MME: variants seen among roughly 807,000 people sequenced by gnomAD.
MME encodes membrane metalloendopeptidase, also known as neprilysin.
MME carries 98 observed loss-of-function variants against 113.2 expected under a neutral mutation model. That is an observed-to-expected ratio of 0.87 (90% CI 0.74 to 1.02). The LOEUF is 1.02. Among genes scored for constraint, MME ranks in the 50% least tolerant of loss-of-function variants. MME has a pLI of 0.00. For synonymous variants in MME, 292 were observed against 300.6 expected, an observed-to-expected ratio of 0.97 and a Z score of 0.30; for missense variants, 836 against 896.0, an observed-to-expected ratio of 0.93 and a Z score of 0.86.
intron 1 of MME, among the ~76,000 whole-genome samples, chr3:155,047,705 C>T (rs73874475): frequency 0.037 from 5,657 of 152,038 alleles, 321 homozygotes; most frequent in African/African-American, 0.12. Context: ...TTTCTCCTGA[C>T]GATTAGACAC....
intron 3 of MME, among the ~76,000 whole-genome samples, chr3:155,103,904 G>A (rs1717470632): frequency 6.6e-6 from 1 of 152,128 alleles, no homozygotes. Context: ...CTCACTTATG[G>A]AAGGACATTA....
At chr3:155,158,739 A>G (rs1298312388) in intron 16 of MME, 1 of 152,154 alleles carries the variant, frequency 6.6e-6, no homozygotes, top group African/African-American at 2.4e-5. Flanking sequence ...AGTCAACACA[A>G]ATTATGTGGG....
intron 8 of MME, among the ~76,000 whole-genome samples, chr3:155,133,704 GT>G: frequency 7.3e-6 from 1 of 136,776 alleles, no homozygotes; most frequent in South Asian, 2.3e-4. Context: ...CATATATAGT[GT>G]GTGTATATAT....
chr3:155,100,925 C>T lies in MME; in HGVS notation c.197-14069C>T, dbSNP rs192363137. On this transcript the variant is annotated intron_variant, in intron 3 of 22. Coordinates refer to ENST00000360490, the MANE Select transcript of MME (RefSeq NM_007289.4). ...TTGATGTAGCTTGGATATTTGTCCTCGCCCAAATCTCATGTTGAATTAATC... is the reference window on the plus strand; with the variant it reads ...TTGATGTAGCTTGGATATTTGTCCTTGCCCAAATCTCATGTTGAATTAATC... Among the ~76,000 whole-genome samples the T allele has an allele frequency of 9.2e-5, 14 of 152,288 alleles. No individual in the cohort carries two copies. The East Asian group carries it at 2.1e-3, about 23-fold the overall frequency.
intron 16 of MME, among the ~76,000 whole-genome samples, chr3:155,153,807 T>G (rs1005678406): frequency 1.3e-5 from 2 of 152,160 alleles, no homozygotes; most frequent in Non-Finnish European, 2.9e-5. Flanking sequence ...AAACATTTAT[T>G]GAGCAGCTAG....
intron 16 of MME, among the ~76,000 whole-genome samples, chr3:155,156,796 C>T (rs1186129149): frequency 6.6e-6 from 1 of 152,050 alleles, no homozygotes; most frequent in Non-Finnish European, 1.5e-5. Flanking sequence ...TGCTTTGAGA[C>T]TACTAAATGC....
At chr3:155,157,416 A>G (rs910571785) in intron 16 of MME, among the ~76,000 whole-genome samples, 2 of 151,980 alleles carry the variant, frequency 1.3e-5, no homozygotes, top group African/African-American at 4.8e-5. Flanking sequence ...TACACTATCT[A>G]TTATTTTAGG....
At chr3:155,105,208 A>G (rs1485799831) in intron 3 of MME, among the ~76,000 whole-genome samples, 4 of 152,194 alleles carry the variant, frequency 2.6e-5, no homozygotes, top group African/African-American at 2.4e-5. Context: ...TTCTGTGATT[A>G]TCTCAATGAG....
chr3:155,139,724 C>T (rs1014033831), intron 9 of MME, among the ~76,000 whole-genome samples: 5 of 152,084 alleles, frequency 3.3e-5, no homozygotes, highest in South Asian at 2.1e-4. Context: ...CTGTTACTTG[C>T]GATAAATTCT....
chr3:155,128,454 C>T (rs146359763), intron 8 of MME, among the ~76,000 whole-genome samples: 91 of 152,096 alleles, frequency 6.0e-4, no homozygotes, highest in East Asian at 2.1e-3. Flanking sequence ...AAAAATGGTG[C>T]GAAGTGTAGA....
chr3:155,158,860 AT>A, intron 16 of MME: 1 of 152,068 alleles, frequency 6.6e-6, no homozygotes, highest in East Asian at 1.9e-4. Flanking sequence ...AGGAGGACTG[AT>A]ATTATCAGTC....
chr3:155,059,060 C>G (rs1714043621), intron 1 of MME, among the ~76,000 whole-genome samples: 1 of 151,940 alleles, frequency 6.6e-6, no homozygotes, highest in Non-Finnish European at 1.5e-5. Flanking sequence ...TTGAGACCAG[C>G]CTGGCCAACA....
intron 8 of MME, among the ~76,000 whole-genome samples, chr3:155,135,682 G>T (rs922995041): frequency 6.6e-6 from 1 of 152,090 alleles, no homozygotes; most frequent in Non-Finnish European, 1.5e-5. Flanking sequence ...AATGACATTG[G>T]TAGTTTGATA....
intron 1 of MME, among the ~76,000 whole-genome samples, chr3:155,071,770 CT>C (rs1279311930): frequency 6.6e-6 from 1 of 152,202 alleles, no homozygotes; most frequent in Non-Finnish European, 1.5e-5. Flanking sequence ...TTCTACTTTA[CT>C]TTCAATATGA....
chr3:155,135,195 G>A (rs1720530107), intron 8 of MME, among the ~76,000 whole-genome samples: 1 of 152,080 alleles, frequency 6.6e-6, no homozygotes, highest in Non-Finnish European at 1.5e-5. Context: ...TGAGGACTTA[G>A]TGATAAACTC....
chr3:155,129,995 G>A (rs1720012934), intron 8 of MME, among the ~76,000 whole-genome samples: 1 of 152,238 alleles, frequency 6.6e-6, no homozygotes, highest in African/African-American at 2.4e-5. Flanking sequence ...ACTCTGTATT[G>A]GGGGTGAATT....
At chr3:155,131,541 G>T (rs576376098) in intron 8 of MME, among the ~76,000 whole-genome samples, 1 of 152,120 alleles carries the variant, frequency 6.6e-6, no homozygotes, top group Non-Finnish European at 1.5e-5. Context: ...GAGAATTTTT[G>T]AGATCAACTG....
At chr3:155,026,329 G>T (rs1299228327) in intron 1 of MME, among the ~76,000 whole-genome samples, 1 of 152,020 alleles carries the variant, frequency 6.6e-6, no homozygotes, top group African/African-American at 2.4e-5. Context: ...AAGGTGCTAG[G>T]GTTTAAATCC....
chr3:155,143,790 C>A (rs943200185), intron 13 of MME, among the ~76,000 whole-genome samples: 2 of 152,088 alleles, frequency 1.3e-5, no homozygotes, highest in African/African-American at 4.8e-5. Flanking sequence ...AGTCTGAAAC[C>A]AACTCACCAT....
Sources: allele counts gnomAD v4.1 joint callset (sites outside exome capture counted in the v4.1 genomes callset), GRCh38; gene constraint gnomAD v4.1.1; transcripts MANE v1.5; gene names NCBI Gene and HGNC (gene_info 2026-07-23, HGNC 2026-07-21).